The following IGF1R variants were observed in gnomAD, a reference collection of about 807,000 sequenced individuals.
The protein encoded by IGF1R is insulin like growth factor 1 receptor.
IGF1R carries 44 observed loss-of-function variants against 144.6 expected under a neutral mutation model. The observed-to-expected ratio is 0.30, with a 90% CI of 0.24 to 0.39. IGF1R has a LOEUF of 0.39. Among genes scored for constraint, IGF1R ranks in the 10% least tolerant of loss-of-function variants. IGF1R has a pLI of 1.00. For missense variants in IGF1R, 1,355 were observed against 1,833.7 expected (o/e 0.74, Z 4.77); for synonymous variants, 795 against 722.8 (o/e 1.10, Z -1.60).
chr15:98,749,567 T>A (rs1181037039), intron 2 of IGF1R, among the ~76,000 whole-genome samples: 1 of 152,244 alleles, frequency 6.6e-6, no homozygotes, highest in Non-Finnish European at 1.5e-5. Context: ...ATGGCCTCAC[T>A]TGTTATTTAA....
At chr15:98,826,954 G>GC (rs2056904823) in intron 2 of IGF1R, among the ~76,000 whole-genome samples, 1 of 152,180 alleles carries the variant, frequency 6.6e-6, no homozygotes, top group South Asian at 2.1e-4. Context: ...CCATACGGCT[G>GC]CCTAGGATTA....
intron 2 of IGF1R, among the ~76,000 whole-genome samples, chr15:98,812,254 A>C (rs954182642): frequency 2.0e-5 from 3 of 152,152 alleles, no homozygotes; most frequent in African/African-American, 7.2e-5. Context: ...CAGCTGAGTC[A>C]ATGACTGGAG....
rs1295133609 is a variant in IGF1R at position 98,911,376 on chromosome 15, C to G, written c.1524C>G (p.Thr508=). ...CGTCGAAGAATCGCATCATCATAAC[C>G]TGGCACCGGTACCGGCCCCCTGACT... ...TTTSKNRIII[T]WHRYRPPDYR... The change falls in exon 7 of 21, where the codon ACC becomes ACG. Residue 508 remains threonine (T), a synonymous_variant. Coordinates refer to ENST00000650285, the MANE Select transcript of IGF1R (RefSeq NM_000875.5). The G allele has an allele frequency of 1.2e-6, 2 of 1,614,088 alleles. No homozygotes were observed. Among genetic ancestry groups the G allele is most frequent in the African/African-American group, 1.3e-5 (1 of 74,932 alleles).
chr15:98,655,154 A>G (rs1596145097), intron 1 of IGF1R, among the ~76,000 whole-genome samples: 1 of 151,950 alleles, frequency 6.6e-6, no homozygotes, highest in African/African-American at 2.4e-5. Context: ...AGGAAGGAAC[A>G]TATATTTGGA....
intron 18 of IGF1R, 31 bp from the exon 19 acceptor site, chr15:98,942,891 CG>C: frequency 6.2e-7 from 1 of 1,613,626 alleles, no homozygotes; most frequent in Non-Finnish European, 8.5e-7. Context: ...CCTGCTCCAG[CG>C]TGTGACTCTG....
chr15:98,676,646 G>A (rs1364121029), intron 1 of IGF1R, among the ~76,000 whole-genome samples: 1 of 151,800 alleles, frequency 6.6e-6, no homozygotes, highest in Non-Finnish European at 1.5e-5. Flanking sequence ...ATTCTTCTCC[G>A]CTACTCTTCC....
intron 2 of IGF1R, among the ~76,000 whole-genome samples, chr15:98,801,486 CAGTGGGCCTCATTCCTCACAAAGGG>C (rs1375125104): frequency 1.3e-5 from 2 of 152,222 alleles, no homozygotes; most frequent in Non-Finnish European, 2.9e-5. Context: ...TGAGCCTCGA[CAGTGGGCCTCATTCCTCACAAAGGG>C]AGCTTTGAGG....
At chr15:98,934,654 C>G (rs1189995929) in intron 15 of IGF1R, among the ~76,000 whole-genome samples, 170 bp from the exon 16 acceptor site, 1 of 152,146 alleles carries the variant, frequency 6.6e-6, no homozygotes, top group East Asian at 1.9e-4. Flanking sequence ...TTTTCTTACT[C>G]AAATCTATAG....
intron 2 of IGF1R, among the ~76,000 whole-genome samples, chr15:98,801,781 C>G (rs2056369127): frequency 6.6e-6 from 1 of 152,200 alleles, no homozygotes; most frequent in East Asian, 1.9e-4. Flanking sequence ...ACAGAGACGA[C>G]CACACTGGGT....
intron 2 of IGF1R, among the ~76,000 whole-genome samples, chr15:98,806,171 C>T (rs772924646): frequency 4.6e-5 from 7 of 152,124 alleles, no homozygotes; most frequent in Admixed American, 4.6e-4. Context: ...AAGTAGTTGA[C>T]GTCCTATTAC....
intron 2 of IGF1R, among the ~76,000 whole-genome samples, chr15:98,812,374 C>G (rs1350673975): frequency 8.6e-6 from 1 of 115,648 alleles, no homozygotes; most frequent in South Asian, 2.5e-4. Context: ...TTTTTTTTTT[C>G]AAGGCAGAGT....
chr15:98,750,394 G>A (rs192729307), intron 2 of IGF1R, among the ~76,000 whole-genome samples: 9 of 152,208 alleles, frequency 5.9e-5, no homozygotes, highest in African/African-American at 1.7e-4. Context: ...CCAGCTTCTC[G>A]TCGTCCAGGT....
chr15:98,672,597 G>T (rs1238621029), intron 1 of IGF1R, among the ~76,000 whole-genome samples: 1 of 150,964 alleles, frequency 6.6e-6, no homozygotes, highest in Non-Finnish European at 1.5e-5. Flanking sequence ...AAAAGTGTAG[G>T]TTAGCAAAAG....
At chr15:98,684,637 A>G (rs984566521) in intron 1 of IGF1R, among the ~76,000 whole-genome samples, 1 of 152,214 alleles carries the variant, frequency 6.6e-6, no homozygotes, top group South Asian at 2.1e-4. Context: ...AGATGAGGAC[A>G]GGGACCTTTC....
At chr15:98,764,205 G>A (rs2055377199) in intron 2 of IGF1R, among the ~76,000 whole-genome samples, 1 of 152,156 alleles carries the variant, frequency 6.6e-6, no homozygotes, top group Non-Finnish European at 1.5e-5. Flanking sequence ...AAGCTTTCGT[G>A]TCTTTACTGG....
intron 15 of IGF1R, among the ~76,000 whole-genome samples, chr15:98,934,012 T>C (rs2016044285): frequency 6.6e-6 from 1 of 152,232 alleles, no homozygotes; most frequent in South Asian, 2.1e-4. Flanking sequence ...ATCAAATGCA[T>C]TTTAATAGTT....
intron 1 of IGF1R, among the ~76,000 whole-genome samples, chr15:98,664,517 T>G (rs902652305): frequency 6.6e-6 from 1 of 151,698 alleles, no homozygotes; most frequent in Non-Finnish European, 1.5e-5. Flanking sequence ...ATATAAAAAT[T>G]AGCCAGGCAC....
chr15:98,847,325 A>G (rs151305222), intron 2 of IGF1R, among the ~76,000 whole-genome samples: 1 of 152,212 alleles, frequency 6.6e-6, no homozygotes, highest in Non-Finnish European at 1.5e-5. Flanking sequence ...AAGTATGGAA[A>G]GCTCCGTAGA....
rs1007046392 is a variant in IGF1R at position 98,895,414 on chromosome 15, A to T, written c.954-1343A>T. Among the ~76,000 whole-genome samples the T allele has an allele frequency of 5.2e-4, 78 of 150,996 alleles. 1 individual carries two copies. The highest frequency in any genetic ancestry group is 1.5e-3 in the South Asian group (7 of 4,772). ...GACTCTATAATTATTTTAAAATAAA[A>T]TTTTTTTTTTTAAATGGAAAGTTTA... On this transcript the variant is annotated intron_variant, in intron 3 of 20. Coordinates refer to ENST00000650285, the MANE Select transcript of IGF1R (RefSeq NM_000875.5).
Sources: allele counts gnomAD v4.1 joint callset (sites outside exome capture counted in the v4.1 genomes callset), GRCh38; gene constraint gnomAD v4.1.1; transcripts MANE v1.5; gene names NCBI Gene and HGNC (gene_info 2026-07-23, HGNC 2026-07-21).